Variants in NAALAD2 observed in about 807,000 individuals in gnomAD.
The protein encoded by NAALAD2 is N-acetylated-alpha-linked acidic dipeptidase 2.
In NAALAD2, 89 loss-of-function variants were observed where a neutral mutation model predicts 95.6. The observed-to-expected ratio is 0.93, with a 90% CI of 0.78 to 1.11. The LOEUF is 1.11. NAALAD2 is among the 50% of genes least tolerant of loss of function. NAALAD2 has a pLI of 0.00. For synonymous variants in NAALAD2, 264 were observed against 294.4 expected, an observed-to-expected ratio of 0.90 and a Z score of 1.06; for missense variants, 894 against 872.4, an observed-to-expected ratio of 1.02 and a Z score of -0.31.
intron 2 of NAALAD2, among the ~76,000 whole-genome samples, chr11:90,136,574 GAAT>G (rs1454377178): frequency 6.6e-6 from 1 of 152,084 alleles, no homozygotes; most frequent in Non-Finnish European, 1.5e-5. Flanking sequence ...CTTTTACTCA[GAAT>G]AATGATTTTG....
intron 18 of NAALAD2, among the ~76,000 whole-genome samples, chr11:90,187,447 C>G (rs926659992): frequency 1.4e-4 from 21 of 152,108 alleles, no homozygotes; most frequent in Non-Finnish European, 2.4e-4. Context: ...ATGTTTTAGT[C>G]TACTGCAGTA....
At chr11:90,185,106 C>A (rs1857096322) in intron 18 of NAALAD2, among the ~76,000 whole-genome samples, 1 of 151,774 alleles carries the variant, frequency 6.6e-6, no homozygotes, top group Admixed American at 6.6e-5. Context: ...TGGAACCAAT[C>A]CCCCATGGAT....
intron 11 of NAALAD2, among the ~76,000 whole-genome samples, chr11:90,168,392 G>A (rs1952540414): frequency 1.3e-5 from 2 of 152,302 alleles, no homozygotes; most frequent in East Asian, 1.9e-4. Context: ...CTGTAATCCC[G>A]GGTACTCCGG....
Position 90,175,973 on chromosome 11 carries a change from A to G in NAALAD2, c.1504A>G (p.Ile502Val). 1 of 1,598,950 alleles carries G rather than the reference A, an allele frequency of 6.3e-7. No individual in the cohort carries two copies. The highest frequency in any genetic ancestry group is 8.6e-7 in the Non-Finnish European group (1 of 1,167,178). ...PSPENKNLPR[I>V]NKLGSGSDFE... ...GTGTGGATTGCATTCTACATCTAGA[A>G]TCAATAAGCTGGGATCTGGAAGTGA... Residue 502 changes from isoleucine to valine, a missense_variant and splice_region_variant, in exon 15 of 19, where the codon ATC becomes GTC. By Grantham distance (29) the Ile-to-Val change is conservative. Coordinates refer to ENST00000534061, the MANE Select transcript of NAALAD2 (RefSeq NM_005467.4).
chr11:90,176,956 C>G (rs954471114), intron 15 of NAALAD2, among the ~76,000 whole-genome samples: 1 of 152,148 alleles, frequency 6.6e-6, no homozygotes, highest in Non-Finnish European at 1.5e-5. Context: ...CACTTTTATA[C>G]TCTGTCTTCT....
chr11:90,138,857 A>C (rs1448608017), intron 2 of NAALAD2, among the ~76,000 whole-genome samples: 3 of 149,438 alleles, frequency 2.0e-5, no homozygotes, highest in Non-Finnish European at 4.4e-5. Context: ...TTTAGCAGGA[A>C]TTTGTTGTGT....
At chr11:90,158,532 G>A (rs1361436337) in intron 7 of NAALAD2, 1 of 267,592 alleles carries the variant, frequency 3.7e-6, no homozygotes, top group Admixed American at 5.7e-5. Context: ...ATTTTCATAG[G>A]TATTCATTAG....
At chr11:90,181,744 C>T (rs773901989) in intron 17 of NAALAD2, 43 bp downstream of exon 17, 2 of 1,091,306 alleles carry the variant, frequency 1.8e-6, no homozygotes, top group African/African-American at 3.3e-5. Context: ...AAAAAAAAAG[C>T]AATCTGGTTA....
At position 90,170,280 on chromosome 11, in the gene NAALAD2, T is replaced by G. The variant is rs1041286412; in HGVS notation, c.1410+144T>G. The stretch of plus-strand genomic sequence containing the variant: ...TATAAACAAAACAAAATCTTTAATA[T>G]GCCATTTACCTATATGACATAACTA... On this transcript the variant is annotated intron_variant, in intron 13 of 18. Coordinates refer to ENST00000534061, the MANE Select transcript of NAALAD2 (RefSeq NM_005467.4). 5 of 610,990 alleles carry G rather than the reference T, an allele frequency of 8.2e-6. No homozygotes were observed. In the African/African-American group the frequency reaches 9.2e-5, roughly 11 times the overall value. The allele number at this position is 610,990 out of a possible 1,614,324, so 37.8% of individuals were successfully genotyped here.
chr11:90,147,358 G>A lies in NAALAD2; in HGVS notation c.223G>A (p.Gly75Arg). The change falls in exon 3 of 19, where the codon GGA becomes AGA. Residue 75 changes from glycine to arginine, a missense_variant. Gly to Arg is a moderately radical substitution (Grantham distance 125). Coordinates refer to ENST00000534061, the MANE Select transcript of NAALAD2 (RefSeq NM_005467.4). ...RSFTKLPHLA[G>R]TEQNFLLAKK... is the part of the protein sequence containing the mutation. ...TTTTACAAAGCTTCCTCATCTGGCA[G>A]GAACAGAACAAAATTTCTTGCTTGC... 6.2e-7 allele frequency: 1 copy of A among 1,613,780 alleles called. No individual in the cohort carries two copies. The highest frequency in any genetic ancestry group is 1.3e-5 in the African/African-American group (1 of 74,968).
chr11:90,150,715 T>TTC (rs1276710097), intron 5 of NAALAD2, 108 bp downstream of exon 5: 3 of 990,856 alleles, frequency 3.0e-6, no homozygotes, highest in African/African-American at 2.3e-5. Context: ...AACATTTCTT[T>TTC]TCTTTTTTTC....
intron 8 of NAALAD2, among the ~76,000 whole-genome samples, chr11:90,159,776 C>T (rs10830427): frequency 0.45 from 68,394 of 151,138 alleles, 16,509 homozygotes; most frequent in African/African-American, 0.62. Flanking sequence ...CAAGGAGAAA[C>T]CCCGTTTCTA....
Position 90,134,762 on chromosome 11 carries a change from G to T in NAALAD2, c.4G>T (p.Ala2Ser). 1 of 1,613,914 alleles carries T rather than the reference G, an allele frequency of 6.2e-7. No individual in the cohort carries two copies. Among genetic ancestry groups the T allele is most frequent in the Non-Finnish European group, 8.5e-7 (1 of 1,180,026 alleles). Residue 2 changes from alanine (A) to serine (S), a missense_variant, in exon 1 of 19, where the codon GCG (alanine) becomes TCG (serine). Physicochemically the swap from Ala to Ser is moderately conservative, Grantham distance 99. Coordinates refer to ENST00000534061, the MANE Select transcript of NAALAD2 (RefSeq NM_005467.4). ...CAAGCTCGGTCCTCAAGAAGCCATG[G>T]CGGAATCCAGGGGCCGTCTGTACCT... M[A>S]ESRGRLYLWM...
chr11:90,139,818 G>A (rs1473086257), intron 2 of NAALAD2, among the ~76,000 whole-genome samples: 1 of 150,454 alleles, frequency 6.6e-6, no homozygotes, highest in Admixed American at 6.6e-5. Flanking sequence ...TTTCACATTT[G>A]CAGGCATAGC....
chr11:90,163,759 G>A, intron 11 of NAALAD2, 142 bp downstream of exon 11: 1 of 843,810 alleles, frequency 1.2e-6, no homozygotes, highest in South Asian at 1.5e-5. Flanking sequence ...TTAAGAAATA[G>A]TTTATTTTTA....
chr11:90,160,098 A>T (rs1287125812), intron 8 of NAALAD2, among the ~76,000 whole-genome samples: 1 of 152,134 alleles, frequency 6.6e-6, no homozygotes, highest in Non-Finnish European at 1.5e-5. Flanking sequence ...TAAGACTATA[A>T]GCCTCAATAG....
intron 15 of NAALAD2, among the ~76,000 whole-genome samples, chr11:90,177,606 TTTTTTTTTTTTTTTTTTTG>T (rs1240580032): frequency 1.1e-5 from 1 of 90,726 alleles, no homozygotes; most frequent in African/African-American, 4.7e-5. Context: ...TTTTTTTTTT[TTTTTTTTTTTTTTTTTTTG>T]TATTTTTAGT....
intron 11 of NAALAD2, among the ~76,000 whole-genome samples, chr11:90,164,561 C>T (rs1425284237): frequency 1.3e-5 from 2 of 152,048 alleles, no homozygotes; most frequent in Non-Finnish European, 2.9e-5. Flanking sequence ...TTTGTGATCA[C>T]ATCTTTTCTA....
intron 18 of NAALAD2, among the ~76,000 whole-genome samples, chr11:90,187,141 A>G (rs528482066): frequency 9.9e-5 from 15 of 151,836 alleles, no homozygotes; most frequent in Non-Finnish European, 1.5e-4. Context: ...CACACCAGTT[A>G]GAATGGCAAT....
Sources: gnomAD v4.1 joint callset for allele counts (sites outside exome capture counted in the v4.1 genomes callset) on GRCh38, gnomAD v4.1.1 for gene constraint, MANE v1.5 for transcripts, NCBI Gene and HGNC (gene_info 2026-07-23, HGNC 2026-07-21) for gene names.